NOX4: variants seen among roughly 807,000 people sequenced by gnomAD.
NOX4 encodes kidney oxidase-1.
In NOX4, 69 loss-of-function variants were observed where a neutral mutation model predicts 87.6. The observed-to-expected ratio is 0.79, with a 90% CI of 0.65 to 0.96. The LOEUF (loss-of-function observed/expected upper bound fraction) is 0.96, where lower values mean the gene tolerates loss of function less well. Ranked by LOEUF, NOX4 falls within the 40% of genes least tolerant of loss-of-function variation. The probability of loss-of-function intolerance (pLI) is 0.00; values close to 1 mark genes in which losing one functional copy is unlikely to be tolerated. For synonymous variants in NOX4, 275 were observed against 238.2 expected, an observed-to-expected ratio of 1.15 and a Z score of -1.42; for missense variants, 680 against 681.5, an observed-to-expected ratio of 1.00 and a Z score of 0.02.
At chr11:89,390,172 C>T (rs1229138595) in intron 11 of NOX4, among the ~76,000 whole-genome samples, 1 of 152,134 alleles carries the variant, frequency 6.6e-6, no homozygotes, top group East Asian at 1.9e-4. Context: ...AAGGAAATGG[C>T]AGGAAGAGAC....
Position 89,451,819 on chromosome 11 carries a change from C to G in NOX4, c.230G>C (p.Arg77Pro). The change falls in exon 3 of 18, where the codon CGA becomes CCA. Residue 77 changes from arginine to proline, a missense_variant. Coordinates refer to ENST00000263317, the MANE Select transcript of NOX4 (RefSeq NM_016931.5). ...NCSLILLPMCRTLLAYLRGSQ... is the reference protein window; with the variant it reads ...NCSLILLPMCPTLLAYLRGSQ... ...TCCTCGGAGGTAAGCCAAGAGTGTT[C>G]GGCACATGGGTAAAAGGATAAGGCT... 6.2e-7 allele frequency: 1 copy of G among 1,613,040 alleles called. No homozygotes were observed. Among genetic ancestry groups the G allele is most frequent in the Non-Finnish European group, 8.5e-7 (1 of 1,179,294 alleles).
chr11:89,497,224 T>G (rs564208529), upstream of NOX4, among the ~76,000 whole-genome samples: 5 of 152,320 alleles, frequency 3.3e-5, no homozygotes, highest in South Asian at 1.0e-3. Context: ...TGCTTTATCT[T>G]GCATGGCATT....
At chr11:89,535,704 A>G in the NOX4 span, among the ~76,000 whole-genome samples, 4 of 152,216 alleles carry the variant, frequency 2.6e-5, no homozygotes, top group East Asian at 7.7e-4. Context: ...AGGACTGTAT[A>G]CAAACTTTTA....
upstream of NOX4, among the ~76,000 whole-genome samples, chr11:89,492,421 A>G (rs1946882229): frequency 6.6e-6 from 1 of 152,228 alleles, no homozygotes; most frequent in East Asian, 1.9e-4. Context: ...ATCTTACAAC[A>G]CAGGCCATAG....
intron 7 of NOX4, among the ~76,000 whole-genome samples, chr11:89,427,900 TC>T (rs1279712478): frequency 6.6e-6 from 1 of 151,920 alleles, no homozygotes; most frequent in East Asian, 1.9e-4. Flanking sequence ...GAAGACCAAC[TC>T]AAAGACACAT....
chr11:89,561,784 C>T, the NOX4 span, among the ~76,000 whole-genome samples: 3 of 151,974 alleles, frequency 2.0e-5, no homozygotes, highest in South Asian at 2.1e-4. Flanking sequence ...CGCAAACAAG[C>T]AAATCCATAG....
chr11:89,426,055 G>A lies in NOX4; in HGVS notation c.549-4073C>T, dbSNP rs535726090. On this transcript the variant is annotated intron_variant, in intron 7 of 17. Transcript: ENST00000263317. ...TCCATTAGAAAGGACATGTGAAAGT[G>A]CTCCTGATAATGTGTATCTGATTTT... is the stretch of plus-strand genomic sequence containing the variant. Among the ~76,000 whole-genome samples the A allele has an allele frequency of 1.2e-4, 18 of 152,224 alleles. 1 individual carries two copies. The South Asian group carries it at 3.1e-3, about 26-fold the overall frequency.
chr11:89,335,816 A>G lies in NOX4; in HGVS notation c.1616+29T>C, dbSNP rs368156118. On this transcript the variant is annotated intron_variant, in intron 17 of 17. Transcript: ENST00000263317. Reference sequence around the variant, plus strand: ...ATATTTTAATTATTTTATTAGCCACATATCAAATTTTTGAGGTATAGTACT... The same window carrying G: ...ATATTTTAATTATTTTATTAGCCACGTATCAAATTTTTGAGGTATAGTACT... 8.5e-5 allele frequency: 84 copies of G among 982,468 alleles called. No individual in the cohort carries two copies. The African/African-American group carries it at 1.2e-3, about 14-fold the overall frequency. 60.9% of individuals were successfully genotyped at this position (982,468 alleles called of 1,614,324 possible). A position where few individuals can be genotyped will look rare whatever the true frequency, so the allele number is the denominator to read the frequency against.
At chr11:89,478,284 T>C (rs979390606) in intron 2 of NOX4, among the ~76,000 whole-genome samples, 7 of 152,220 alleles carry the variant, frequency 4.6e-5, no homozygotes, top group Non-Finnish European at 2.9e-5. Flanking sequence ...AGTCAAAATG[T>C]TTCTATATTG....
intron 3 of NOX4, 146 bp downstream of exon 3, chr11:89,451,639 T>C (rs1944966917): frequency 3.3e-6 from 2 of 600,954 alleles, no homozygotes; most frequent in Non-Finnish European, 3.1e-6. Context: ...TCACAGATCA[T>C]CTTGGCAGGT....
intron 1 of NOX4, 147 bp downstream of exon 1, chr11:89,491,043 T>A: frequency 1.2e-6 from 1 of 835,862 alleles, no homozygotes; most frequent in East Asian, 2.7e-5. Context: ...TTCATTGTTA[T>A]CTCCAGCATA....
At chr11:89,457,353 C>T (rs1181749703) in intron 2 of NOX4, among the ~76,000 whole-genome samples, 1 of 152,192 alleles carries the variant, frequency 6.6e-6, no homozygotes, top group Non-Finnish European at 1.5e-5. Context: ...CCGCCCTGCA[C>T]CAGCCACACT....
chr11:89,488,018 T>C (rs2135490686), intron 2 of NOX4, among the ~76,000 whole-genome samples: 1 of 152,260 alleles, frequency 6.6e-6, no homozygotes, highest in African/African-American at 2.4e-5. Context: ...GATAAATTAA[T>C]GACTGGAAAA....
chr11:89,490,830 A>T (rs2135499169), intron 1 of NOX4: 1 of 699,074 alleles, frequency 1.4e-6, no homozygotes, highest in East Asian at 2.7e-5. Context: ...AATGAGATTA[A>T]GAAATTAATG....
intron 11 of NOX4, among the ~76,000 whole-genome samples, chr11:89,378,861 G>A (rs1189276064): frequency 5.9e-5 from 9 of 152,276 alleles, no homozygotes; most frequent in African/African-American, 1.4e-4. Flanking sequence ...AGGAGATCAC[G>A]CGGAGCACCG....
chr11:89,469,853 T>A (rs181649532), intron 2 of NOX4, among the ~76,000 whole-genome samples: 52 of 152,318 alleles, frequency 3.4e-4, no homozygotes, highest in Non-Finnish European at 6.2e-4. Flanking sequence ...ACATAGTTAT[T>A]ACCTGATGGG....
In NOX4 at chr11:89,399,446, T is replaced by A. The variant is rs977220422; in HGVS notation, c.1074+571A>T. On this transcript the variant is annotated intron_variant, in intron 11 of 17. Coordinates refer to ENST00000263317, the MANE Select transcript of NOX4 (RefSeq NM_016931.5). ...TCAAGAAATTAAATATATATATATA[T>A]ATATATATATATATATATATATATA... Among the ~76,000 whole-genome samples the A allele has an allele frequency of 4.5e-5, 6 of 133,708 alleles. No homozygotes were observed. The East Asian group carries it at 1.1e-3, about 25-fold the overall frequency. 87.7% of individuals were successfully genotyped at this position (133,708 alleles called of 152,430 possible). A position where few individuals can be genotyped will look rare whatever the true frequency, so the allele number is the denominator to read the frequency against.
chr11:89,455,802 A>C (rs142272368), intron 2 of NOX4, among the ~76,000 whole-genome samples: 1 of 151,246 alleles, frequency 6.6e-6, no homozygotes. Flanking sequence ...TTACTCCCAC[A>C]ATCTGTAGGC....
At chr11:89,394,867 G>T (rs1477733914) in intron 11 of NOX4, among the ~76,000 whole-genome samples, 1 of 152,154 alleles carries the variant, frequency 6.6e-6, no homozygotes, top group Admixed American at 6.6e-5. Flanking sequence ...ATTCCATGGT[G>T]TATATGTGCC....
Sources: allele counts gnomAD v4.1 joint callset (sites outside exome capture counted in the v4.1 genomes callset), GRCh38; gene constraint gnomAD v4.1.1; transcripts MANE v1.5; gene names NCBI Gene and HGNC (gene_info 2026-07-23, HGNC 2026-07-21).